SLX4: variants seen among roughly 807,000 people sequenced by gnomAD.
The protein encoded by SLX4 is SLX4 structure-specific endonuclease subunit.
Under a neutral mutation model 146.2 loss-of-function variants are expected in SLX4, and 112 were observed. The ratio of observed to expected loss-of-function variants is 0.77; its 90% CI spans 0.66 to 0.90. SLX4 has a LOEUF of 0.90. Ranked by LOEUF, SLX4 falls within the 40% of genes least tolerant of loss-of-function variation. The probability of loss-of-function intolerance (pLI) is 0.00; values close to 1 mark genes in which losing one functional copy is unlikely to be tolerated. For missense variants in SLX4, 2,563 were observed against 2,392.7 expected, an observed-to-expected ratio of 1.07 and a Z score of -1.49; for synonymous variants, 1,061 against 997.7, an observed-to-expected ratio of 1.06 and a Z score of -1.20.
intron 13 of SLX4, 57 bp downstream of exon 13, chr16:3,584,712 A>C: frequency 7.4e-7 from 1 of 1,345,742 alleles, no homozygotes; most frequent in Non-Finnish European, 1.1e-6. Flanking sequence ...TGTGAAACCC[A>C]GTTACTTATG....
Position 3,589,002 on chromosome 16 carries a change from T to C in SLX4, c.4636A>G (p.Lys1546Glu), listed in dbSNP as rs1413680204. Residue 1546 changes from lysine (K) to glutamate (E), a missense_variant and splice_region_variant, in exon 12 of 15, where the codon AAA becomes GAA. Coordinates refer to ENST00000294008, the MANE Select transcript of SLX4 (RefSeq NM_032444.4). The surrounding 1 kb of genome is among the most constrained non-coding windows in gnomAD (Gnocchi z 6.2). ...TTCCCCAGCTCTCCTGGCTACTCAC[T>C]GGGTGTCTCTAACCCTTCGGGCTTC... ...AQKPEGLETP[K>E]GANRKKNLPP... 6.2e-7 allele frequency: 1 copy of C among 1,614,044 alleles called. No homozygotes were observed. The highest frequency in any genetic ancestry group is 1.7e-5 in the Admixed American group (1 of 60,024).
Position 3,608,471 on chromosome 16 carries a change from T to C in SLX4, c.494A>G (p.Gln165Arg). Residue 165 changes from glutamine (Q) to arginine (R), a missense_variant, in exon 2 of 15, where the codon CAG (glutamine) becomes CGG (arginine). Physicochemically the swap from Gln to Arg is conservative, Grantham distance 43. Coordinates refer to ENST00000294008, the MANE Select transcript of SLX4 (RefSeq NM_032444.4). Reference protein sequence around the residue: ...ETAQNTQTGNQQEPSPNLSRE... With the variant: ...ETAQNTQTGNRQEPSPNLSRE... ...GGAAAGGTTTGGCGATGGTTCTTGCTGGTTACCCGTCTGGGTGTTTTGTGC... is the reference window on the plus strand; with the variant it reads ...GGAAAGGTTTGGCGATGGTTCTTGCCGGTTACCCGTCTGGGTGTTTTGTGC... The C allele has an allele frequency of 6.2e-7, 1 of 1,614,232 alleles. No homozygotes were observed. Among genetic ancestry groups the C allele is most frequent in the Non-Finnish European group, 8.5e-7 (1 of 1,180,048 alleles).
intron 7 of SLX4, among the ~76,000 whole-genome samples, chr16:3,596,597 C>A (rs1285547567): frequency 1.3e-5 from 2 of 152,218 alleles, no homozygotes; most frequent in East Asian, 3.9e-4. Flanking sequence ...TCAACATGCT[C>A]CTCCTCTGTC....
At position 3,590,915 on chromosome 16, in the gene SLX4, G is replaced by A. The variant is rs767927663; in HGVS notation, c.2723C>T (p.Pro908Leu). ...GGCCTCATCTCTTCCTGGCTCCAACGGCTCCATCTCCTCCACCTTGTCCCA... is the reference window on the plus strand; with the variant it reads ...GGCCTCATCTCTTCCTGGCTCCAACAGCTCCATCTCCTCCACCTTGTCCCA... ...KQWDKVEEME[P>L]LEPGRDEAAT... Residue 908 changes from proline to leucine, a missense_variant, in exon 12 of 15, where the codon CCG becomes CTG. Coordinates refer to ENST00000294008, the MANE Select transcript of SLX4 (RefSeq NM_032444.4). The surrounding 1 kb of genome is among the most constrained non-coding windows in gnomAD (Gnocchi z 4.8). 9.3e-6 allele frequency: 15 copies of A among 1,613,902 alleles called. No homozygotes were observed. The highest frequency in any genetic ancestry group is 4.0e-5 in the African/African-American group (3 of 74,882).
At position 3,582,359 on chromosome 16, in the gene SLX4, T is replaced by C. The variant is rs1278477466; in HGVS notation, c.5488A>G (p.Lys1830Glu). The C allele has an allele frequency of 1.2e-6, 2 of 1,612,454 alleles. No individual in the cohort carries two copies. The highest frequency in any genetic ancestry group is 1.3e-5 in the African/African-American group (1 of 75,022). ...GRRRQPRGKK[K>E]VERN ...TGGCCCCATCAGTTCCGCTCCACCT[T>C]CTTCTTGCCCCGAGGCTGCCGCCTC... Residue 1830 changes from lysine to glutamate, a missense_variant, in exon 15 of 15, where the codon AAG (lysine) becomes GAG (glutamate). Transcript: ENST00000294008.
chr16:3,599,097 T>G (rs371548670), intron 5 of SLX4, among the ~76,000 whole-genome samples: 1 of 152,186 alleles, frequency 6.6e-6, no homozygotes, highest in Non-Finnish European at 1.5e-5. Context: ...TCTGAGCAGG[T>G]GCTTTTGGCG....
Position 3,589,922 on chromosome 16 carries a change from C to G in SLX4, c.3716G>C (p.Cys1239Ser). ...LGRRGAPWLF[C>S]DRESSPSEAS... The stretch of plus-strand genomic sequence containing the variant: ...CTCGCTGGGGCTGCTCTCACGGTCA[C>G]AGAACAGCCAGGGAGCCCCTCTCCT... Residue 1239 changes from cysteine (C) to serine (S), a missense_variant, in exon 12 of 15, where the codon TGT becomes TCT. Transcript: ENST00000294008. This position sits in a 1 kb window ranked among gnomAD's most constrained non-coding sequence, Gnocchi z 6.2. 6.2e-7 allele frequency: 1 copy of G among 1,613,856 alleles called. No homozygotes were observed.
Position 3,589,140 on chromosome 16 carries a change from TC to T in SLX4, c.4497del (p.Asn1500IlefsTer7). 1 of 1,614,086 alleles carries T rather than the reference TC, an allele frequency of 6.2e-7. No homozygotes were observed. Among genetic ancestry groups the T allele is most frequent in the Middle Eastern group, 1.6e-4 (1 of 6,062 alleles). ...GAATTCAGAAAGCTCGGCCTGCTAT[TC>T]CCCAGGGAGCCCGCGCCCGAGGACT... ...QEKSSGAGSL[G>X]NSRPSFLNSA... On this transcript the variant is annotated frameshift_variant, in exon 12 of 15. Coordinates refer to ENST00000294008, the MANE Select transcript of SLX4 (RefSeq NM_032444.4). LOFTEE classifies it high-confidence loss of function. The surrounding 1 kb of genome is among the most constrained non-coding windows in gnomAD (Gnocchi z 6.2).
At position 3,582,341 on chromosome 16, in the gene SLX4, A is replaced by T. The variant is rs559903847; in HGVS notation, c.*1T>A. 6.2e-7 allele frequency: 1 copy of T among 1,610,398 alleles called. No homozygotes were observed. The highest frequency in any genetic ancestry group is 1.3e-5 in the African/African-American group (1 of 74,990). On this transcript the variant is annotated 3_prime_UTR_variant, in exon 15 of 15. Transcript: ENST00000294008. ...GTTGGGGTGGGGTCGGGATGGCCCC[A>T]TCAGTTCCGCTCCACCTTCTTCTTG...
intron 10 of SLX4, among the ~76,000 whole-genome samples, chr16:3,593,097 ATCTC>A (rs2040611830): frequency 1.3e-5 from 2 of 152,010 alleles, no homozygotes; most frequent in Admixed American, 6.6e-5. Flanking sequence ...TTGAGTTGGA[ATCTC>A]TCTCTGTTGC....
Position 3,606,495 on chromosome 16 carries a change from C to G in SLX4, c.739G>C (p.Glu247Gln). The G allele has an allele frequency of 6.2e-7, 1 of 1,614,216 alleles. No homozygotes were observed. Residue 247 changes from glutamate to glutamine, a missense_variant, in exon 3 of 15, where the codon GAG becomes CAG. By Grantham distance (29) the Glu-to-Gln change is conservative. Coordinates refer to ENST00000294008, the MANE Select transcript of SLX4 (RefSeq NM_032444.4). ...ATACCATTCCCCGCCATCATCTCCT[C>G]TTGAGGATCCTTTGGGACATTTTCT... ...REENVPKDPQ[E>Q]EMMAGNVYGL...
At chr16:3,592,228 C>G (rs1032379122) in intron 11 of SLX4, among the ~76,000 whole-genome samples, 3 of 152,264 alleles carry the variant, frequency 2.0e-5, no homozygotes, top group Non-Finnish European at 2.9e-5. Context: ...CAACACTTGT[C>G]CCTCTGAGCT....
chr16:3,589,965 T>C lies in SLX4; in HGVS notation c.3673A>G (p.Asn1225Asp), dbSNP rs878855161. Residue 1225 changes from asparagine (N) to aspartate (D), a missense_variant, in exon 12 of 15, where the codon AAT becomes GAT. By Grantham distance (23) the Asn-to-Asp change is conservative. Transcript: ENST00000294008. This position sits in a 1 kb window ranked among gnomAD's most constrained non-coding sequence, Gnocchi z 6.2. ...CCTCTCCTGCCCAAAGAGCCCCGAT[T>C]CTCCGGCAGCGCCCCCTCATCCTCC... is the stretch of plus-strand genomic sequence containing the variant. ...QQEDEGALPE[N>D]RGSLGRRGAP... 2 of 1,613,392 alleles carry C rather than the reference T, an allele frequency of 1.2e-6. No homozygotes were observed. Among genetic ancestry groups the C allele is most frequent in the Non-Finnish European group, 1.7e-6 (2 of 1,179,976 alleles).
rs748607152 is a variant in SLX4 at position 3,589,961 on chromosome 16, C to G, written c.3677G>C (p.Arg1226Pro). The change falls in exon 12 of 15, where the codon CGG becomes CCG. Residue 1226 changes from arginine to proline, a missense_variant. By Grantham distance (103) the Arg-to-Pro change is moderately radical. Transcript: ENST00000294008. The surrounding 1 kb of genome is among the most constrained non-coding windows in gnomAD (Gnocchi z 6.2). ...QEDEGALPEN[R>P]GSLGRRGAPW... ...AGCCCCTCTCCTGCCCAAAGAGCCCCGATTCTCCGGCAGCGCCCCCTCATC... is the reference window on the plus strand; with the variant it reads ...AGCCCCTCTCCTGCCCAAAGAGCCCGGATTCTCCGGCAGCGCCCCCTCATC... 4 of 1,613,706 alleles carry G rather than the reference C, an allele frequency of 2.5e-6. No homozygotes were observed. In the African/African-American group the frequency reaches 5.3e-5, roughly 22 times the overall value.
chr16:3,591,926 A>C (rs1454912312), intron 11 of SLX4, among the ~76,000 whole-genome samples: 2 of 152,176 alleles, frequency 1.3e-5, no homozygotes, highest in African/African-American at 4.8e-5. Flanking sequence ...AGGCGGAGGC[A>C]GGAGGATTGC....
At chr16:3,596,491 A>G (rs1030035029) in intron 7 of SLX4, 98 bp from the exon 8 acceptor site, 2 of 1,388,120 alleles carry the variant, frequency 1.4e-6, no homozygotes, top group Non-Finnish European at 1.9e-6. Context: ...TGGACCTAAA[A>G]CTACAGAGCA....
Position 3,591,228 on chromosome 16 carries a change from C to T in SLX4, c.2410G>A (p.Glu804Lys). The T allele has an allele frequency of 6.2e-7, 1 of 1,613,770 alleles. No homozygotes were observed. The change falls in exon 12 of 15, where the codon GAA becomes AAA. Residue 804 changes from glutamate (E) to lysine (K), a missense_variant. Glu to Lys is a moderately conservative substitution (Grantham distance 56). Transcript: ENST00000294008. ...DSEGKPWEEK[E>K]AENCESRAEN... ...GCCCTGCTTTCGCAATTCTCTGCTT[C>T]CTTCTCCTCCCATGGTTTGCCCTCT...
intron 12 of SLX4, among the ~76,000 whole-genome samples, chr16:3,587,829 G>A (rs2040525024): frequency 6.6e-6 from 1 of 152,200 alleles, no homozygotes; most frequent in East Asian, 1.9e-4. Context: ...GGAGGAAATG[G>A]GCCCCCAGGC....
At chr16:3,598,438 C>T (rs912758340) in intron 5 of SLX4, among the ~76,000 whole-genome samples, 6 of 152,236 alleles carry the variant, frequency 3.9e-5, no homozygotes, top group African/African-American at 7.2e-5. Flanking sequence ...AAGGGCTCCA[C>T]GGCAGTGCCT....
Sources: gnomAD v4.1 joint callset for allele counts (sites outside exome capture counted in the v4.1 genomes callset) on GRCh38, gnomAD v4.1.1 for gene constraint, Gnocchi (gnomAD v3.1) non-coding constraint, MANE v1.5 for transcripts, NCBI Gene and HGNC (gene_info 2026-07-23, HGNC 2026-07-21) for gene names.